The following GLRA2 variants were observed in gnomAD, a reference collection of about 807,000 sequenced individuals.
GLRA2 encodes glycine receptor alpha 2.
In GLRA2, 11 loss-of-function variants were observed where a neutral mutation model predicts 31.6. The ratio of observed to expected loss-of-function variants is 0.35; its 90% CI spans 0.22 to 0.58. GLRA2 has a LOEUF of 0.58. Among genes scored for constraint, GLRA2 ranks in the 20% least tolerant of loss-of-function variants. The probability of loss-of-function intolerance (pLI) is 0.84; values close to 1 mark genes in which losing one functional copy is unlikely to be tolerated. For missense variants in GLRA2, 212 were observed against 351.8 expected (o/e 0.60, Z 3.18); for synonymous variants, 132 against 134.0 (o/e 0.99, Z 0.10).
intron 8 of GLRA2, among the ~76,000 whole-genome samples, chrX:14,718,389 GA>G (rs2091820318): frequency 8.9e-6 from 1 of 112,110 alleles, no homozygotes; most frequent in Non-Finnish European, 1.9e-5. Context: ...TCTAGGTTTA[GA>G]TAACTAGCTA....
chrX:14,528,026 C>G (rs2089201398), upstream of GLRA2, among the ~76,000 whole-genome samples: 1 of 112,419 alleles, frequency 8.9e-6, no homozygotes, highest in Non-Finnish European at 1.9e-5. Context: ...TGCTTGGGCA[C>G]TACTGCATTT....
intron 7 of GLRA2, among the ~76,000 whole-genome samples, chrX:14,682,805 G>T (rs777412502): frequency 9.3e-6 from 1 of 107,687 alleles, no homozygotes; most frequent in South Asian, 4.2e-4. Flanking sequence ...GCGGTGTTTG[G>T]TTTTTTGTCC....
the GLRA2 span, among the ~76,000 whole-genome samples, chrX:14,464,716 C>T: frequency 9.0e-6 from 1 of 111,250 alleles, no homozygotes; most frequent in Admixed American, 9.6e-5. Context: ...ACCACCACGC[C>T]CAGCTAATTT....
At chrX:14,479,963 G>A in the GLRA2 span, among the ~76,000 whole-genome samples, 2 of 112,038 alleles carry the variant, frequency 1.8e-5, no homozygotes, top group African/African-American at 6.5e-5. Context: ...GCTTACTACA[G>A]TGGCTGAACT....
At chrX:14,680,453 A>G (rs1312371159) in intron 7 of GLRA2, among the ~76,000 whole-genome samples, 1 of 112,089 alleles carries the variant, frequency 8.9e-6, no homozygotes, top group Non-Finnish European at 1.9e-5. Context: ...CTATCTTGCA[A>G]GTTTGTAGTA....
intron 7 of GLRA2, among the ~76,000 whole-genome samples, chrX:14,686,101 T>C (rs1346672199): frequency 8.9e-6 from 1 of 112,047 alleles, no homozygotes; most frequent in Non-Finnish European, 1.9e-5. Context: ...GGTTGTTCAG[T>C]TTCCATGTAG....
chrX:14,730,315 C>T lies in GLRA2; in HGVS notation c.1189C>T (p.Leu397Phe), dbSNP rs1332255202. Residue 397 changes from leucine to phenylalanine, a missense_variant, in exon 9 of 9, where the codon CTC becomes TTC. Physicochemically the swap from Leu to Phe is conservative, Grantham distance 22. Around this residue, in one of 5 missense-constraint regions of GLRA2, gnomAD observed 42 missense variants for 52.0 expected, o/e 0.81. Coordinates refer to ENST00000218075, the MANE Select transcript of GLRA2 (RefSeq NM_002063.4). ...TAVKATPANPLPQPPKDGDAI... is the reference protein window; with the variant it reads ...TAVKATPANPFPQPPKDGDAI... The stretch of plus-strand genomic sequence containing the variant: ...TGTCAAGGCCACACCTGCCAACCCA[C>T]TCCCACAACCGCCAAAAGATGGAGA... 1.7e-6 allele frequency: 2 copies of T among 1,208,436 alleles called. No homozygotes were observed. The highest frequency in any genetic ancestry group is 2.2e-6 in the Non-Finnish European group (2 of 894,437).
At chrX:14,466,223 A>C in the GLRA2 span, among the ~76,000 whole-genome samples, 1 of 111,052 alleles carries the variant, frequency 9.0e-6, no homozygotes, top group African/African-American at 3.3e-5. Flanking sequence ...GCAGGTAAGC[A>C]ATTAATTAGC....
the GLRA2 span, among the ~76,000 whole-genome samples, chrX:14,499,522 A>G: frequency 3.6e-5 from 4 of 111,710 alleles, no homozygotes; most frequent in East Asian, 1.1e-3. Context: ...GGGATACTAC[A>G]CACCCATAAA....
At chrX:14,687,426 C>G (rs1045034490) in intron 7 of GLRA2, among the ~76,000 whole-genome samples, 1 of 112,178 alleles carries the variant, frequency 8.9e-6, no homozygotes, top group Admixed American at 9.4e-5. Flanking sequence ...TTATCCTCGT[C>G]ACTTTCAGGT....
chrX:14,543,945 T>C (rs761891285), intron 2 of GLRA2, among the ~76,000 whole-genome samples: 2 of 111,561 alleles, frequency 1.8e-5, no homozygotes, highest in Admixed American at 1.9e-4. Context: ...GTAGTTTTGG[T>C]AAAATCCAGA....
At chrX:14,681,356 T>C (rs907043536) in intron 7 of GLRA2, among the ~76,000 whole-genome samples, 17 of 111,503 alleles carry the variant, frequency 1.5e-4, no homozygotes, top group Admixed American at 7.6e-4. Flanking sequence ...TTCCTTGCTT[T>C]CTTCCTTCCT....
At chrX:14,684,521 C>A (rs1186094531) in intron 7 of GLRA2, among the ~76,000 whole-genome samples, 1 of 111,297 alleles carries the variant, frequency 9.0e-6, no homozygotes, top group East Asian at 2.8e-4. Flanking sequence ...TCTCCTTGAA[C>A]AGGTCCTTCA....
At chrX:14,589,002 T>C (rs755759604) in intron 4 of GLRA2, among the ~76,000 whole-genome samples, 2 of 112,134 alleles carry the variant, frequency 1.8e-5, no homozygotes, top group East Asian at 2.8e-4. Flanking sequence ...TTTCTAGGTA[T>C]AGAATCATAT....
chrX:14,586,625 C>T (rs764682978), intron 4 of GLRA2, among the ~76,000 whole-genome samples: 1 of 111,947 alleles, frequency 8.9e-6, no homozygotes, highest in Admixed American at 9.5e-5. Context: ...ACAATGAATC[C>T]ATACTTGAAT....
At chrX:14,484,318 G>T in the GLRA2 span, among the ~76,000 whole-genome samples, 1 of 111,832 alleles carries the variant, frequency 8.9e-6, no homozygotes, top group African/African-American at 3.2e-5. Flanking sequence ...TTACTTTAAA[G>T]CATCTCCTAA....
At chrX:14,589,706 A>ATATACACATATATATG (rs200658803) in intron 4 of GLRA2, among the ~76,000 whole-genome samples, 21 of 100,762 alleles carry the variant, frequency 2.1e-4, no homozygotes, top group Non-Finnish European at 3.6e-4. Context: ...TAGTGTATAT[A>ATATACACATATATATG]TATACACACA....
chrX:14,544,513 A>G (rs187275149), intron 2 of GLRA2, among the ~76,000 whole-genome samples: 6 of 111,646 alleles, frequency 5.4e-5, no homozygotes, highest in Non-Finnish European at 1.1e-4. Flanking sequence ...CTTCCTTGCA[A>G]TGAAATTTTA....
intron 2 of GLRA2, among the ~76,000 whole-genome samples, chrX:14,543,916 A>G (rs1297566549): frequency 8.9e-6 from 1 of 111,854 alleles, no homozygotes; most frequent in Non-Finnish European, 1.9e-5. Context: ...CCAGTGTTTT[A>G]TGGAATATTT....
Sources: gnomAD v4.1 joint callset for allele counts (sites outside exome capture counted in the v4.1 genomes callset) on GRCh38, gnomAD v4.1.1 for gene constraint, gnomAD v4.1.1 regional missense constraint, MANE v1.5 for transcripts, NCBI Gene and HGNC (gene_info 2026-07-23, HGNC 2026-07-21) for gene names.